The following RALA variants were observed in gnomAD, a reference collection of about 807,000 sequenced individuals.
The protein encoded by RALA is ras-related protein Ral-A.
RALA carries 5 observed loss-of-function variants against 24.0 expected under a neutral mutation model. The observed-to-expected ratio is 0.21, with a 90% CI of 0.11 to 0.44. RALA has a LOEUF of 0.44. Ranked by LOEUF, RALA falls within the 20% of genes least tolerant of loss-of-function variation. RALA has a pLI of 0.99. For synonymous variants in RALA, 77 were observed against 83.8 expected, an observed-to-expected ratio of 0.92 and a Z score of 0.44; for missense variants, 95 against 241.2, an observed-to-expected ratio of 0.39 and a Z score of 4.01.
intron 1 of RALA, among the ~76,000 whole-genome samples, chr7:39,643,378 C>T (rs1791853528): frequency 6.6e-6 from 1 of 152,112 alleles, no homozygotes; most frequent in Non-Finnish European, 1.5e-5. Flanking sequence ...TGCAGGCAGG[C>T]ACATAGGCAG....
At chr7:39,702,116 T>G (rs548461401) in intron 4 of RALA, among the ~76,000 whole-genome samples, 1 of 152,304 alleles carries the variant, frequency 6.6e-6, no homozygotes, top group Non-Finnish European at 1.5e-5. Flanking sequence ...TTGGAAAATA[T>G]CATATTTGGG....
chr7:39,697,361 G>A (rs987839661), intron 4 of RALA: 9 of 456,548 alleles, frequency 2.0e-5, no homozygotes, highest in African/African-American at 1.6e-4. Context: ...AGAAAGAAAG[G>A]AAAGTAAACA....
intron 4 of RALA, among the ~76,000 whole-genome samples, chr7:39,698,608 A>G (rs1396166638): frequency 3.3e-5 from 5 of 152,226 alleles, no homozygotes; most frequent in African/African-American, 1.2e-4. Context: ...GAACATTCTC[A>G]TAGCATATAT....
intron 1 of RALA, among the ~76,000 whole-genome samples, chr7:39,678,372 C>T (rs1792526470): frequency 6.6e-6 from 1 of 152,114 alleles, no homozygotes; most frequent in African/African-American, 2.4e-5. Flanking sequence ...GCCTCAGCAC[C>T]TAGCACAGTG....
At chr7:39,661,079 G>A (rs1440117829) in intron 1 of RALA, among the ~76,000 whole-genome samples, 3 of 152,142 alleles carry the variant, frequency 2.0e-5, no homozygotes, top group Non-Finnish European at 2.9e-5. Context: ...CGAGCTAAAA[G>A]GGAAACTCCT....
chr7:39,639,189 T>G (rs914508165), intron 1 of RALA, among the ~76,000 whole-genome samples: 1 of 152,188 alleles, frequency 6.6e-6, no homozygotes, highest in Admixed American at 6.5e-5. Context: ...ATCACAAACT[T>G]CTAAATCAAG....
At chr7:39,687,405 C>A (rs1485736948) in intron 2 of RALA, among the ~76,000 whole-genome samples, 1 of 148,916 alleles carries the variant, frequency 6.7e-6, no homozygotes, top group East Asian at 2.0e-4. Context: ...CCAGCCTGGG[C>A]GACAGAGCAA....
chr7:39,704,649 T>C (rs1244565726), intron 4 of RALA, among the ~76,000 whole-genome samples: 1 of 151,774 alleles, frequency 6.6e-6, no homozygotes, highest in African/African-American at 2.4e-5. Flanking sequence ...GATTTTCAAT[T>C]TTTAGGATTT....
At chr7:39,693,280 A>T (rs1429503612) in intron 3 of RALA, among the ~76,000 whole-genome samples, 3 of 152,210 alleles carry the variant, frequency 2.0e-5, no homozygotes, top group Admixed American at 1.3e-4. Context: ...GACATGGATG[A>T]AGCTGGAAAC....
chr7:39,658,054 C>A (rs112526484), intron 1 of RALA, among the ~76,000 whole-genome samples: 42 of 152,306 alleles, frequency 2.8e-4, no homozygotes, highest in African/African-American at 9.9e-4. Context: ...AGTCCGTATT[C>A]TTGATGTTAA....
chr7:39,669,543 G>A (rs1178697729), intron 1 of RALA, among the ~76,000 whole-genome samples: 3 of 152,088 alleles, frequency 2.0e-5, no homozygotes, highest in Non-Finnish European at 4.4e-5. Context: ...CAGGCACGGT[G>A]GCTTATGCCT....
intron 1 of RALA, among the ~76,000 whole-genome samples, chr7:39,635,282 G>C (rs1195306488): frequency 6.6e-6 from 1 of 152,174 alleles, no homozygotes; most frequent in Non-Finnish European, 1.5e-5. Flanking sequence ...TGCTGAGGTG[G>C]GAGGATCGCT....
chr7:39,688,443 A>G (rs1404717151), intron 2 of RALA, among the ~76,000 whole-genome samples: 1 of 152,012 alleles, frequency 6.6e-6, no homozygotes, highest in Non-Finnish European at 1.5e-5. Context: ...GGTACTTTAA[A>G]TGAAATTACT....
chr7:39,630,093 C>T (rs944139880), intron 1 of RALA, among the ~76,000 whole-genome samples: 4 of 151,622 alleles, frequency 2.6e-5, no homozygotes, highest in East Asian at 3.9e-4. Flanking sequence ...TGGAGTGCAG[C>T]GGTGCAATGG....
chr7:39,653,052 C>T (rs1327454304), intron 1 of RALA, among the ~76,000 whole-genome samples: 2 of 142,574 alleles, frequency 1.4e-5, no homozygotes, highest in Admixed American at 7.1e-5. Flanking sequence ...TTTTTTGAGA[C>T]GGAGTCTCAC....
At chr7:39,679,978 C>T (rs575913472) in intron 1 of RALA, among the ~76,000 whole-genome samples, 15 of 152,228 alleles carry the variant, frequency 9.9e-5, no homozygotes, top group African/African-American at 3.6e-4. Context: ...GAATTACAGG[C>T]GTGAGCCACC....
chr7:39,676,143 T>C (rs1583739490), intron 1 of RALA, among the ~76,000 whole-genome samples: 1 of 152,030 alleles, frequency 6.6e-6, no homozygotes, highest in Non-Finnish European at 1.5e-5. Context: ...GCTGGGCTAA[T>C]TTTTTGTATT....
At chr7:39,700,710 T>A (rs1793011860) in intron 4 of RALA, 1 of 152,200 alleles carries the variant, frequency 6.6e-6, no homozygotes, top group South Asian at 2.1e-4. Flanking sequence ...TAGGAAACAT[T>A]GCTGTGGCCA....
At chr7:39,664,566 A>G (rs1750573108) in intron 1 of RALA, among the ~76,000 whole-genome samples, 1 of 152,164 alleles carries the variant, frequency 6.6e-6, no homozygotes, top group African/African-American at 2.4e-5. Flanking sequence ...CTCATTACAC[A>G]CAGCACTCTG....
Sources: gnomAD v4.1 joint callset for allele counts (sites outside exome capture counted in the v4.1 genomes callset) on GRCh38, gnomAD v4.1.1 for gene constraint, MANE v1.5 for transcripts, NCBI Gene and HGNC (gene_info 2026-07-23, HGNC 2026-07-21) for gene names.